Variants in TMEM114 observed in about 807,000 individuals in gnomAD.
TMEM114 encodes claudin-26.
Under a neutral mutation model 6.2 loss-of-function variants are expected in TMEM114, and 6 were observed. The observed-to-expected ratio is 0.97, with a 90% CI of 0.53 to 1.91. TMEM114 has a LOEUF of 1.91. Ranked by LOEUF, TMEM114 falls within the 40% of genes most tolerant of loss-of-function variation. The pLI is 0.01. For missense variants in TMEM114, 218 were observed against 158.3 expected, an observed-to-expected ratio of 1.38 and a Z score of -2.02; for synonymous variants, 104 against 73.0, an observed-to-expected ratio of 1.42 and a Z score of -2.16.
chr16:8,587,481 G>A (rs1038178319), intron 2 of TMEM114, among the ~76,000 whole-genome samples: 2 of 152,202 alleles, frequency 1.3e-5, no homozygotes, highest in Non-Finnish European at 2.9e-5. Context: ...AGTCAAGTTG[G>A]TGGGATAAAA....
intron 2 of TMEM114, among the ~76,000 whole-genome samples, chr16:8,564,131 T>TAGTGAATGAGTG: frequency 9.4e-6 from 1 of 106,798 alleles, no homozygotes; most frequent in Non-Finnish European, 2.0e-5. Context: ...ATGAGTGAGT[T>TAGTGAATGAGTG]AGTGAATGAG....
chr16:8,533,963 GA>G (rs1170282796), downstream of TMEM114, among the ~76,000 whole-genome samples: 1 of 152,144 alleles, frequency 6.6e-6, no homozygotes, highest in African/African-American at 2.4e-5. Flanking sequence ...ATCTGACCAC[GA>G]AAGGCAACCC....
At chr16:8,580,430 T>C (rs752373807) in intron 2 of TMEM114, among the ~76,000 whole-genome samples, 4 of 147,314 alleles carry the variant, frequency 2.7e-5, no homozygotes, top group African/African-American at 5.0e-5. Context: ...GAGGCTGCAG[T>C]GAGGCGAGAT....
downstream of TMEM114, among the ~76,000 whole-genome samples, chr16:8,565,552 T>C (rs1200751513): frequency 6.6e-6 from 1 of 151,972 alleles, no homozygotes; most frequent in East Asian, 1.9e-4. Flanking sequence ...TTCTCATGAG[T>C]ATAAATCCCC....
chr16:8,560,641 C>G (rs4787258), intron 2 of TMEM114, among the ~76,000 whole-genome samples: 11,476 of 152,246 alleles, frequency 0.075, 528 homozygotes, highest in Middle Eastern at 0.17. Flanking sequence ...CTCTCACTAT[C>G]AGCCTCTACC....
chr16:8,550,169 C>T (rs796837559), intron 2 of TMEM114, among the ~76,000 whole-genome samples: 7 of 152,320 alleles, frequency 4.6e-5, no homozygotes, highest in African/African-American at 1.7e-4. Context: ...TTTTTCTAGC[C>T]GTGCTGGCAG....
intron 2 of TMEM114, among the ~76,000 whole-genome samples, chr16:8,564,008 A>G (rs1901407985): frequency 6.6e-6 from 1 of 151,458 alleles, no homozygotes; most frequent in South Asian, 2.1e-4. Context: ...TGAGTGAGTG[A>G]ATGAGTATGT....
chr16:8,527,533 C>G, the TMEM114 span, among the ~76,000 whole-genome samples: 2 of 105,280 alleles, frequency 1.9e-5, no homozygotes, highest in Non-Finnish European at 4.0e-5. Context: ...GATTTCTAGT[C>G]TGTAGTAAGA....
intron 2 of TMEM114, among the ~76,000 whole-genome samples, chr16:8,581,754 A>C (rs1345038870): frequency 6.6e-6 from 1 of 152,248 alleles, no homozygotes; most frequent in Non-Finnish European, 1.5e-5. Flanking sequence ...GCGCCCAGCC[A>C]GAAGTGGACT....
chr16:8,567,956 C>A (rs546688688), downstream of TMEM114, among the ~76,000 whole-genome samples: 2 of 152,170 alleles, frequency 1.3e-5, no homozygotes, highest in African/African-American at 2.4e-5. Flanking sequence ...ACTCCTTTTG[C>A]GCCTTTCCGG....
intron 3 of TMEM114, 75 bp from the exon 4 acceptor site, chr16:8,570,080 C>G (rs1901681234): frequency 1.3e-6 from 2 of 1,487,550 alleles, no homozygotes; most frequent in South Asian, 2.7e-5. Context: ...CCTCGCCCTG[C>G]CCAGCCACGC....
At chr16:8,530,661 G>C in the TMEM114 span, among the ~76,000 whole-genome samples, 8 of 151,908 alleles carry the variant, frequency 5.3e-5, no homozygotes, top group Non-Finnish European at 1.2e-4. Context: ...AGAGAGGGAA[G>C]GGAATGTAGT....
At chr16:8,561,059 A>T (rs1441343471) in intron 2 of TMEM114, among the ~76,000 whole-genome samples, 1 of 152,190 alleles carries the variant, frequency 6.6e-6, no homozygotes, top group Non-Finnish European at 1.5e-5. Flanking sequence ...CTACCACGAG[A>T]ACAGTATGGG....
chr16:8,590,398 C>T lies in TMEM114; in HGVS notation c.-560G>A, dbSNP rs1377402337. On this transcript the variant is annotated 5_prime_UTR_variant, in exon 1 of 4. In the 5' UTR this introduces an upstream ATG that the reference lacks. Transcript: ENST00000620492. ...CCCAGCCCTTTTTCTTGGCCCCACA[C>T]TGCCAGATCCCCACTCCCAGCCCTG... 6.6e-6 allele frequency among the ~76,000 whole-genome samples: 1 copy of T among 152,240 alleles called. No individual in the cohort carries two copies. The highest frequency in any genetic ancestry group is 2.4e-5 in the African/African-American group (1 of 41,454).
chr16:8,562,023 AG>A (rs2141670521), intron 2 of TMEM114, among the ~76,000 whole-genome samples: 1 of 150,716 alleles, frequency 6.6e-6, no homozygotes, highest in South Asian at 2.1e-4. Context: ...TGAATGTGTG[AG>A]TGAATGAGTG....
chr16:8,575,903 C>T (rs1035689599), intron 2 of TMEM114, among the ~76,000 whole-genome samples: 9 of 152,126 alleles, frequency 5.9e-5, no homozygotes, highest in Non-Finnish European at 8.8e-5. Context: ...TCTCTCAGGC[C>T]GGGAGACCTG....
chr16:8,544,448 G>T (rs777668428), intron 2 of TMEM114, among the ~76,000 whole-genome samples: 35 of 152,182 alleles, frequency 2.3e-4, no homozygotes, highest in Admixed American at 6.5e-4. Context: ...GGTCTTAATG[G>T]ATATGTAGGG....
At chr16:8,547,942 T>C (rs753487749) in intron 2 of TMEM114, among the ~76,000 whole-genome samples, 4 of 152,084 alleles carry the variant, frequency 2.6e-5, no homozygotes, top group Non-Finnish European at 4.4e-5. Context: ...ACCTCCAACA[T>C]CTGGATTTGC....
At chr16:8,582,518 C>T (rs1178345680) in intron 2 of TMEM114, among the ~76,000 whole-genome samples, 1 of 152,194 alleles carries the variant, frequency 6.6e-6, no homozygotes, top group Admixed American at 6.5e-5. Flanking sequence ...TCTGGTCTAC[C>T]ATGACCTCTA....
Sources: gnomAD v4.1 joint callset for allele counts (sites outside exome capture counted in the v4.1 genomes callset) on GRCh38, gnomAD v4.1.1 for gene constraint, MANE v1.5 for transcripts, NCBI Gene and HGNC (gene_info 2026-07-23, HGNC 2026-07-21) for gene names.